The following CDK18 variants were observed in gnomAD, a reference collection of about 807,000 sequenced individuals.
The protein encoded by CDK18 is cyclin dependent kinase 18.
In CDK18, 52 loss-of-function variants were observed where a neutral mutation model predicts 62.0. The observed-to-expected ratio is 0.84, with a 90% CI of 0.67 to 1.06. The LOEUF is 1.06. Ranked by LOEUF, CDK18 falls within the 50% of genes least tolerant of loss-of-function variation. The pLI is 0.00. For missense variants in CDK18, 604 were observed against 619.9 expected (o/e 0.97, Z 0.27); for synonymous variants, 237 against 247.0 (o/e 0.96, Z 0.38).
chr1:205,513,359 T>C (rs1667659915), intron 1 of CDK18, among the ~76,000 whole-genome samples: 1 of 152,226 alleles, frequency 6.6e-6, no homozygotes, highest in African/African-American at 2.4e-5. Context: ...ATCTGGGATG[T>C]TCTGTACGCC....
intron 1 of CDK18, 162 bp from the exon 2 acceptor site, chr1:205,522,974 TGAACACCCACC>T: frequency 1.6e-6 from 1 of 625,722 alleles, no homozygotes; most frequent in Non-Finnish European, 2.7e-6. Context: ...AAGAAGAGGG[TGAACACCCACC>T]CTCAGAGGGG....
chr1:205,530,467 G>A (rs41264891), intron 14 of CDK18, 118 bp downstream of exon 14: 175,778 of 1,241,316 alleles, frequency 0.14, 16,475 homozygotes, highest in South Asian at 0.33. Context: ...GAGCAGCCCC[G>A]GGCACCTTGC....
chr1:205,526,732 G>C, intron 7 of CDK18, 43 bp from the exon 8 acceptor site: 1 of 1,568,268 alleles, frequency 6.4e-7, no homozygotes, highest in Non-Finnish European at 8.8e-7. Context: ...CTTCTGGCCA[G>C]GGGTCAGCGT....
rs138491552 is a variant in CDK18, at chr1:205,526,145, C to G, written c.537C>G (p.His179Gln). The G allele has an allele frequency of 3.1e-6, 5 of 1,613,922 alleles. No individual in the cohort carries two copies. Among genetic ancestry groups the G allele is most frequent in the Non-Finnish European group, 4.2e-6 (5 of 1,179,958 alleles). The change falls in exon 6 of 16, where the codon CAC becomes CAG. Residue 179 changes from histidine to glutamine, a missense_variant. By Grantham distance (24) the His-to-Gln change is conservative (BLOSUM62 0). Transcript: ENST00000429964. The part of the protein sequence containing the change: ...LVALKEIRLE[H>Q]EEGAPCTAIR... Reference sequence around the variant, plus strand: ...CCCTGAAAGAGATCCGGCTGGAGCACGAGGAGGGAGCGCCCTGCACTGCCA... The same window carrying G: ...CCCTGAAAGAGATCCGGCTGGAGCAGGAGGAGGGAGCGCCCTGCACTGCCA...
Position 205,531,753 on chromosome 1 carries a change from C to T in CDK18, c.*375C>T. On this transcript the variant is annotated 3_prime_UTR_variant, in exon 16 of 16. Coordinates refer to ENST00000429964, the MANE Select transcript of CDK18 (RefSeq NM_212502.3). ...GGGCACTCTGCCCTGGATACAGGCT[C>T]TACCCTCCTCCCCCAGGACCTGCCT... 3.9e-6 allele frequency: 1 copy of T among 254,486 alleles called. No individual in the cohort carries two copies. The highest frequency in any genetic ancestry group is 7.7e-6 in the Non-Finnish European group (1 of 129,692). The allele number at this position is 254,486 out of a possible 1,614,324, so 15.8% of individuals were successfully genotyped here.
rs1668721773 is a variant in CDK18, at chr1:205,531,262, G to T, written c.1391-82G>T. 9 of 1,307,586 alleles carry T rather than the reference G, an allele frequency of 6.9e-6. No homozygotes were observed. The South Asian group carries it at 1.1e-4, about 15-fold the overall frequency. The allele number at this position is 1,307,586 out of a possible 1,614,324, so 81.0% of individuals were successfully genotyped here. On this transcript the variant is annotated intron_variant, in intron 15 of 15. Transcript: ENST00000429964. ...CTTGCTCTGTCAGAGCAGCTCTGGG[G>T]GACAGCGACTGTCCCTGCTGACCTG...
intron 13 of CDK18, 115 bp downstream of exon 13, chr1:205,529,678 A>T (rs762047911): frequency 6.4e-7 from 1 of 1,572,952 alleles, no homozygotes; most frequent in South Asian, 1.2e-5. Context: ...CGTCTTTGAA[A>T]CATCTCCCCT....
At position 205,518,099 on chromosome 1, in the gene CDK18, G is replaced by A. The variant is rs114098225; in HGVS notation, c.-21-5048G>A. Among the ~76,000 whole-genome samples, 490 of 152,120 alleles carry A rather than the reference G, an allele frequency of 3.2e-3. 3 individuals carry two copies. Among genetic ancestry groups the A allele is most frequent in the African/African-American group, 0.011 (474 of 41,468 alleles). The stretch of plus-strand genomic sequence containing the variant: ...GACCCCCTCACCTTACACCTACTCT[G>A]GATTTCTCCTGAGATGTCACCTGCT... On this transcript the variant is annotated intron_variant, in intron 1 of 15. Coordinates refer to ENST00000429964, the MANE Select transcript of CDK18 (RefSeq NM_212502.3).
In CDK18 at chr1:205,531,875, C is replaced by T. The variant is rs1272382032; in HGVS notation, c.*497C>T. On this transcript the variant is annotated 3_prime_UTR_variant, in exon 16 of 16. Coordinates refer to ENST00000429964, the MANE Select transcript of CDK18 (RefSeq NM_212502.3). ...AGCAAGAAGAGACATGGCATGTTCT[C>T]TGGGACCCTGGAATCCTAGGTACCC... 1 of 173,050 alleles carries T rather than the reference C, an allele frequency of 5.8e-6. No individual in the cohort carries two copies. The highest frequency in any genetic ancestry group is 2.4e-5 in the African/African-American group (1 of 42,028). 10.7% of individuals were successfully genotyped at this position (173,050 alleles called of 1,614,324 possible).
intron 1 of CDK18, among the ~76,000 whole-genome samples, chr1:205,510,365 G>A (rs1016548014): frequency 3.9e-5 from 6 of 152,256 alleles, no homozygotes; most frequent in African/African-American, 1.4e-4. Flanking sequence ...GCAGGTGGGC[G>A]GTAGGTGTTA....
At chr1:205,529,858 A>C in intron 13 of CDK18, 1 of 1,339,932 alleles carries the variant, frequency 7.5e-7, no homozygotes, top group South Asian at 1.5e-5. Context: ...ATTTTATAAG[A>C]TGGCCGTGAG....
chr1:205,528,745 A>G lies in CDK18; in HGVS notation c.975-254A>G. On this transcript the variant is annotated intron_variant, in intron 10 of 15. Transcript: ENST00000429964. This position sits in a 1 kb window ranked among gnomAD's most constrained non-coding sequence, Gnocchi z 4.2. Reference sequence around the variant, plus strand: ...CGCTGGCTGCACAGACCCAAACCTCACAGAGTGAAAGGGGACTTTCCTCAC... The same window carrying G: ...CGCTGGCTGCACAGACCCAAACCTCGCAGAGTGAAAGGGGACTTTCCTCAC... 3 of 447,154 alleles carry G rather than the reference A, an allele frequency of 6.7e-6. No homozygotes were observed. Among genetic ancestry groups the G allele is most frequent in the Non-Finnish European group, 1.2e-5 (3 of 251,668 alleles). 27.7% of individuals were successfully genotyped at this position (447,154 alleles called of 1,614,324 possible). A position where few individuals can be genotyped will look rare whatever the true frequency, so the allele number is the denominator to read the frequency against.
At position 205,532,571 on chromosome 1, in the gene CDK18, C is replaced by G. The variant is rs534201137; in HGVS notation, c.*1193C>G. 1 of 152,410 alleles carries G rather than the reference C, an allele frequency of 6.6e-6. No homozygotes were observed. 9.4% of individuals were successfully genotyped at this position (152,410 alleles called of 1,614,324 possible). ...TCCGGGGGCTGGAAGCCTGGGTGGC[C>G]GGGGCCCCTGAAGAAGGCTCCCCTC... On this transcript the variant is annotated 3_prime_UTR_variant, in exon 16 of 16. Coordinates refer to ENST00000429964, the MANE Select transcript of CDK18 (RefSeq NM_212502.3).
At chr1:205,526,862 C>T (rs1292669547) in intron 8 of CDK18, 25 bp downstream of exon 8, 2 of 1,598,148 alleles carry the variant, frequency 1.3e-6, no homozygotes, top group South Asian at 2.2e-5. Flanking sequence ...GCAGGGTCCC[C>T]CCATCTTGGC....
rs1232604793 is a variant in CDK18 at position 205,523,147 on chromosome 1, G to T, written c.-21G>T. On this transcript the variant is annotated splice_region_variant and 5_prime_UTR_variant, in exon 2 of 16. Coordinates refer to ENST00000429964, the MANE Select transcript of CDK18 (RefSeq NM_212502.3). ...GCTCTTCTCACACTTCCCATCTCAG[G>T]ACCCGGCTGCCCAGTCCCTCATGAT... The T allele has an allele frequency of 1.2e-5, 19 of 1,589,016 alleles. No homozygotes were observed. Among genetic ancestry groups the T allele is most frequent in the Non-Finnish European group, 1.6e-5 (19 of 1,165,924 alleles).
In CDK18 at chr1:205,516,211, G is replaced by T. The variant is rs1247270977; in HGVS notation, c.-21-6936G>T. 6.6e-6 allele frequency among the ~76,000 whole-genome samples: 1 copy of T among 152,206 alleles called. No individual in the cohort carries two copies. The highest frequency in any genetic ancestry group is 2.4e-5 in the African/African-American group (1 of 41,464). On this transcript the variant is annotated intron_variant, in intron 1 of 15. Transcript: ENST00000429964. The surrounding 1 kb of genome is among the most constrained non-coding windows in gnomAD (Gnocchi z 4.8). The stretch of plus-strand genomic sequence containing the variant: ...GCTCCCAGCAGGCACAGTTCTCCCT[G>T]GGAGGAGGGAGTGTCTCTGAGGTCC...
At position 205,528,471 on chromosome 1, in the gene CDK18, C is replaced by T. The variant is rs61822298; in HGVS notation, c.974+303C>T. 0.1 allele frequency among the ~76,000 whole-genome samples: 15,391 copies of T among 152,120 alleles called. 1,171 individuals carry two copies. Among genetic ancestry groups the T allele is most frequent in the African/African-American group, 0.21 (8,618 of 41,450 alleles). On this transcript the variant is annotated intron_variant, in intron 10 of 15. Transcript: ENST00000429964. The surrounding 1 kb of genome is among the most constrained non-coding windows in gnomAD (Gnocchi z 4.2). ...CCTATAGTAAATACGATGAATCTTC[C>T]CCAAGCATCAGTCCCAGTGAAAATT...
At chr1:205,529,139 C>A (rs761245100) in intron 11 of CDK18, 43 bp downstream of exon 11, 197 of 1,501,262 alleles carry the variant, frequency 1.3e-4, no homozygotes, top group Non-Finnish European at 1.8e-4. Context: ...CCAGGGGGCG[C>A]CGGAACTCCT....
rs56313401 is a variant in CDK18, at chr1:205,507,633, C to CAA, written c.-22+2866_-22+2867dup. Among the ~76,000 whole-genome samples, 327 of 72,182 alleles carry CAA rather than the reference C, an allele frequency of 4.5e-3. 17 individuals are homozygous for CAA. The highest frequency in any genetic ancestry group is 5.2e-3 in the Non-Finnish European group (209 of 40,582). The allele number at this position is 72,182 out of a possible 152,430, so 47.4% of individuals were successfully genotyped here. A position where few individuals can be genotyped will look rare whatever the true frequency, so the allele number is the denominator to read the frequency against. On this transcript the variant is annotated intron_variant, in intron 1 of 15. Coordinates refer to ENST00000429964, the MANE Select transcript of CDK18 (RefSeq NM_212502.3). ...TGGGCGACAGAGCGAGACTCCGTCT[C>CAA]AAAAAAAAAAAAAAAAAAAAAAAAA...
Sources: gnomAD v4.1 joint callset for allele counts (sites outside exome capture counted in the v4.1 genomes callset) on GRCh38, gnomAD v4.1.1 for gene constraint, Gnocchi (gnomAD v3.1) non-coding constraint, MANE v1.5 for transcripts, NCBI Gene and HGNC (gene_info 2026-07-23, HGNC 2026-07-21) for gene names.